The following SPATA16 variants were observed in gnomAD, a reference collection of about 807,000 sequenced individuals.
SPATA16 encodes the protein spermatogenesis associated 16.
SPATA16 carries 36 observed loss-of-function variants against 63.3 expected under a neutral mutation model. The observed-to-expected ratio is 0.57, with a 90% CI of 0.44 to 0.75. The LOEUF is 0.75. Among genes scored for constraint, SPATA16 ranks in the 30% least tolerant of loss-of-function variants. The pLI is 0.00. For missense variants in SPATA16, 646 were observed against 679.3 expected (o/e 0.95, Z 0.54); for synonymous variants, 203 against 216.7 (o/e 0.94, Z 0.56).
chr3:173,122,577 A>T (rs939333133), intron 1 of SPATA16, among the ~76,000 whole-genome samples: 4 of 152,202 alleles, frequency 2.6e-5, no homozygotes, highest in African/African-American at 9.6e-5. Context: ...TGAGAAAAAA[A>T]CACCTTGCTT....
chr3:173,106,854 C>G (rs1737632928), intron 2 of SPATA16, among the ~76,000 whole-genome samples: 2 of 152,044 alleles, frequency 1.3e-5, no homozygotes, highest in Non-Finnish European at 2.9e-5. Context: ...TTCCAAAATC[C>G]TATCTTTTCC....
intron 2 of SPATA16, among the ~76,000 whole-genome samples, chr3:173,079,872 A>C (rs1251001024): frequency 6.6e-6 from 1 of 152,194 alleles, no homozygotes; most frequent in Non-Finnish European, 1.5e-5. Context: ...TATTTTTAAA[A>C]ATGTGGAATT....
chr3:172,945,417 A>G (rs575368426), intron 6 of SPATA16, among the ~76,000 whole-genome samples: 3 of 152,234 alleles, frequency 2.0e-5, no homozygotes, highest in Non-Finnish European at 4.4e-5. Context: ...CATACAAGAA[A>G]TACCTTCATA....
intron 4 of SPATA16, among the ~76,000 whole-genome samples, chr3:173,013,520 A>G (rs1735116096): frequency 6.6e-6 from 1 of 152,204 alleles, no homozygotes; most frequent in South Asian, 2.1e-4. Context: ...ACACTTTACA[A>G]AAGGGGGTGG....
chr3:172,915,790 T>C (rs193191877), intron 9 of SPATA16, among the ~76,000 whole-genome samples: 7 of 152,310 alleles, frequency 4.6e-5, no homozygotes, highest in Non-Finnish European at 8.8e-5. Context: ...CCCATCTATT[T>C]TGACTAGCTA....
At chr3:173,107,453 CTAT>C (rs963391828) in intron 2 of SPATA16, among the ~76,000 whole-genome samples, 1 of 133,010 alleles carries the variant, frequency 7.5e-6, no homozygotes, top group Non-Finnish European at 1.6e-5. Flanking sequence ...CTCTCTCTCT[CTAT>C]TTTTTTTTTT....
chr3:173,080,477 T>A (rs1427504730), intron 2 of SPATA16, among the ~76,000 whole-genome samples: 1 of 152,154 alleles, frequency 6.6e-6, no homozygotes, highest in African/African-American at 2.4e-5. Flanking sequence ...TATTTGGTTG[T>A]TCTTTGTGAG....
At chr3:173,073,857 C>T (rs1736728541) in intron 2 of SPATA16, among the ~76,000 whole-genome samples, 1 of 152,190 alleles carries the variant, frequency 6.6e-6, no homozygotes, top group African/African-American at 2.4e-5. Flanking sequence ...TGCAGACACT[C>T]AACTCCAGCC....
chr3:173,060,043 G>T (rs1254184927), intron 2 of SPATA16, among the ~76,000 whole-genome samples: 1 of 151,802 alleles, frequency 6.6e-6, no homozygotes, highest in Non-Finnish European at 1.5e-5. Flanking sequence ...GATCACCTGA[G>T]GTCAGGAGTT....
chr3:172,916,168 T>A, intron 9 of SPATA16, 149 bp downstream of exon 9: 1 of 883,188 alleles, frequency 1.1e-6, no homozygotes, highest in Non-Finnish European at 1.8e-6. Context: ...TTTTCAGTTT[T>A]GCCATTAGAA....
At chr3:172,900,041 T>C (rs1732095024) in intron 10 of SPATA16, among the ~76,000 whole-genome samples, 1 of 151,054 alleles carries the variant, frequency 6.6e-6, no homozygotes, top group African/African-American at 2.4e-5. Context: ...CTCTCAGCCT[T>C]TTTGATATTT....
At chr3:173,087,793 G>C (rs1737096437) in intron 2 of SPATA16, among the ~76,000 whole-genome samples, 1 of 152,090 alleles carries the variant, frequency 6.6e-6, no homozygotes, top group Admixed American at 6.6e-5. Flanking sequence ...GCTTAGTTTG[G>C]TTGGATATGA....
At chr3:173,034,928 C>T (rs1735681307) in intron 3 of SPATA16, among the ~76,000 whole-genome samples, 2 of 152,016 alleles carry the variant, frequency 1.3e-5, no homozygotes, top group African/African-American at 4.8e-5. Flanking sequence ...TGATTGACAC[C>T]GATTATTAAA....
At chr3:173,088,087 C>CT (rs543770917) in intron 2 of SPATA16, among the ~76,000 whole-genome samples, 8,792 of 62,960 alleles carry the variant, frequency 0.14, 1,113 homozygotes, top group African/African-American at 0.2. Flanking sequence ...TCTGTCTTTT[C>CT]TTTTTTTTTT....
chr3:173,133,286 A>G (rs1033016638), intron 1 of SPATA16, among the ~76,000 whole-genome samples: 1 of 152,188 alleles, frequency 6.6e-6, no homozygotes, highest in Non-Finnish European at 1.5e-5. Context: ...AAACACTGCA[A>G]AGCTGAAAGG....
intron 5 of SPATA16, among the ~76,000 whole-genome samples, chr3:172,959,820 T>TATATATATATATATATATATATATATA (rs1733708534): frequency 8.6e-6 from 1 of 116,824 alleles, no homozygotes; most frequent in African/African-American, 4.2e-5. Flanking sequence ...ATATATATAT[T>TATATATATATATATATATATATATATA]TAGCATTATT....
chr3:173,026,191 T>C, intron 3 of SPATA16, among the ~76,000 whole-genome samples: 1 of 151,992 alleles, frequency 6.6e-6, no homozygotes. Flanking sequence ...TAACTAAAGA[T>C]GTTGAGGATC....
chr3:173,114,628 A>G (rs922151599), intron 2 of SPATA16, among the ~76,000 whole-genome samples: 6 of 152,220 alleles, frequency 3.9e-5, no homozygotes, highest in Non-Finnish European at 7.3e-5. Context: ...ACCTTCCTTC[A>G]GACACTTATT....
chr3:173,047,326 C>T (rs904144799), intron 3 of SPATA16, among the ~76,000 whole-genome samples: 1 of 151,394 alleles, frequency 6.6e-6, no homozygotes, highest in Non-Finnish European at 1.5e-5. Context: ...AAATACGATT[C>T]AAAAATTCAT....
Sources: allele counts gnomAD v4.1 joint callset (sites outside exome capture counted in the v4.1 genomes callset), GRCh38; gene constraint gnomAD v4.1.1; transcripts MANE v1.5; gene names NCBI Gene and HGNC (gene_info 2026-07-23, HGNC 2026-07-21).